The following DAND5 variants were observed in gnomAD, a reference collection of about 807,000 sequenced individuals.
The protein encoded by DAND5 is DAN domain BMP antagonist family member 5.
Under a neutral mutation model 9.2 loss-of-function variants are expected in DAND5, and 8 were observed. The observed-to-expected ratio is 0.87, with a 90% confidence interval of 0.51 to 1.56. DAND5 has a LOEUF of 1.56. Ranked by LOEUF, DAND5 falls within the 40% of genes most tolerant of loss-of-function variation. DAND5 has a pLI of 0.00. For synonymous variants in DAND5, 95 were observed against 101.1 expected, an observed-to-expected ratio of 0.94 and a Z score of 0.36; for missense variants, 244 against 244.7, an observed-to-expected ratio of 1.00 and a Z score of 0.02.
chr19:12,972,535 A>G (rs553479866), intron 1 of DAND5, among the ~76,000 whole-genome samples: 63 of 151,604 alleles, frequency 4.2e-4, no homozygotes, highest in African/African-American at 1.1e-3. Context: ...TTCTCATTTA[A>G]TTAATTTATT....
chr19:12,973,844 C>A lies in DAND5; in HGVS notation c.*210C>A. 5 of 602,430 alleles carry A rather than the reference C, an allele frequency of 8.3e-6. No individual in the cohort carries two copies. The highest frequency in any genetic ancestry group is 1.4e-5 in the Non-Finnish European group (5 of 359,940). The allele number at this position is 602,430 out of a possible 1,614,324, so 37.3% of individuals were successfully genotyped here. The stretch of plus-strand genomic sequence containing the variant: ...AGTTGCACCACTGATAGTCACAGCA[C>A]ACAATGATTGACAACTCACTTTTTT... On this transcript the variant is annotated 3_prime_UTR_variant, in exon 2 of 2. Transcript: ENST00000317060.
intron 1 of DAND5, among the ~76,000 whole-genome samples, chr19:12,972,713 G>C (rs1053301184): frequency 1.3e-5 from 2 of 151,648 alleles, no homozygotes; most frequent in Non-Finnish European, 2.9e-5. Flanking sequence ...GCTAAGTTTT[G>C]TATTTTCAGT....
Position 12,973,548 on chromosome 19 carries a change from T to C in DAND5, c.484T>C (p.Cys162Arg), listed in dbSNP as rs1239016289. 2 of 1,614,060 alleles carry C rather than the reference T, an allele frequency of 1.2e-6. No homozygotes were observed. The highest frequency in any genetic ancestry group is 1.7e-6 in the Non-Finnish European group (2 of 1,180,038). The change falls in exon 2 of 2, where the codon TGT (cysteine) becomes CGT (arginine). Residue 162 changes from cysteine to arginine, a missense_variant. Physicochemically the swap from Cys to Arg is radical, Grantham distance 180. Coordinates refer to ENST00000317060, the MANE Select transcript of DAND5 (RefSeq NM_152654.3). ...GCGTTGGGCACCCGTGGTCCTGTGG[T>C]GTCTCACTGGCAGCTCAGCCTCCCG... ...RKRWAPVVLWCLTGSSASRRR... is the reference protein window; with the variant it reads ...RKRWAPVVLWRLTGSSASRRR...
intron 1 of DAND5, chr19:12,970,564 C>T: frequency 2.0e-6 from 1 of 490,312 alleles, no homozygotes; most frequent in East Asian, 3.4e-5. Flanking sequence ...CTTGATATAC[C>T]AACTTTCTTT....
chr19:12,969,802 C>T lies in DAND5; in HGVS notation c.142C>T (p.Leu48=), dbSNP rs528256480. ...GACCTGGGCTCTGGGCCCAGGGGCC[C>T]TGCCCCCACTGGTGCCAGCTTCTGC... ...NQTWALGPGA[L]PPLVPASALG... The change falls in exon 1 of 2, where the codon CTG becomes TTG. Residue 48 remains leucine, a synonymous_variant. Coordinates refer to ENST00000317060, the MANE Select transcript of DAND5 (RefSeq NM_152654.3). 1.1e-5 allele frequency: 17 copies of T among 1,600,950 alleles called. No individual in the cohort carries two copies. The Admixed American group carries it at 2.9e-4, about 27-fold the overall frequency.
intron 1 of DAND5, among the ~76,000 whole-genome samples, chr19:12,970,972 G>A (rs539044366): frequency 3.3e-5 from 5 of 152,158 alleles, no homozygotes; most frequent in East Asian, 1.9e-4. Flanking sequence ...GAGCCACTGC[G>A]CCAGGCCAAT....
intron 1 of DAND5, among the ~76,000 whole-genome samples, chr19:12,971,022 A>G (rs1472547213): frequency 3.3e-5 from 5 of 152,122 alleles, no homozygotes; most frequent in African/African-American, 1.2e-4. Flanking sequence ...GGATTTAAGC[A>G]GAGAAGGACC....
In DAND5 at chr19:12,973,624, C is replaced by T. The variant is rs1474833857; in HGVS notation, c.560C>T (p.Pro187Leu). ...TMLIEGCHCS[P>L]KA ...CTGATCGAGGGGTGTCACTGCAGCC[C>T]AAAAGCATGAACTGAGCATCGTGGA... Residue 187 changes from proline to leucine, a missense_variant, in exon 2 of 2, where the codon CCA becomes CTA. Physicochemically the swap from Pro to Leu is moderately conservative, Grantham distance 98. Coordinates refer to ENST00000317060, the MANE Select transcript of DAND5 (RefSeq NM_152654.3). 1.9e-6 allele frequency: 3 copies of T among 1,613,774 alleles called. No individual in the cohort carries two copies. The highest frequency in any genetic ancestry group is 2.5e-6 in the Non-Finnish European group (3 of 1,179,872).
In DAND5 at chr19:12,973,674, G is replaced by T; in HGVS notation, c.*40G>T. 1 of 1,592,140 alleles carries T rather than the reference G, an allele frequency of 6.3e-7. No individual in the cohort carries two copies. The highest frequency in any genetic ancestry group is 1.7e-5 in the Admixed American group (1 of 58,924). On this transcript the variant is annotated 3_prime_UTR_variant, in exon 2 of 2. Transcript: ENST00000317060. Reference sequence around the variant, plus strand: ...ATGGGTGCACGGAGACACGCACCTTGGAGAAATGAGGGGAGATGGACCAAG... The same window carrying T: ...ATGGGTGCACGGAGACACGCACCTTTGAGAAATGAGGGGAGATGGACCAAG...
Position 12,973,506 on chromosome 19 carries a change from T to C in DAND5, c.442T>C (p.Cys148Arg). 1 of 1,614,202 alleles carries C rather than the reference T, an allele frequency of 6.2e-7. No individual in the cohort carries two copies. Among genetic ancestry groups the C allele is most frequent in the African/African-American group, 1.3e-5 (1 of 75,054 alleles). ...DPTPLVLCNS[C>R]MPARKRWAPV... ...CACCCCACTAGTCCTGTGCAACAGC[T>C]GTATGCCTGCTCGCAAGCGTTGGGC... The change falls in exon 2 of 2, where the codon TGT becomes CGT. Residue 148 changes from cysteine to arginine, a missense_variant. Transcript: ENST00000317060.
chr19:12,970,480 T>C (rs1325680603), intron 1 of DAND5: 2 of 702,150 alleles, frequency 2.8e-6, no homozygotes, highest in Non-Finnish European at 5.2e-6. Context: ...TTGCCCAAGC[T>C]AGTCTTGAGC....
intron 1 of DAND5, among the ~76,000 whole-genome samples, chr19:12,973,017 C>T (rs1312793647): frequency 2.0e-5 from 3 of 151,718 alleles, no homozygotes; most frequent in Non-Finnish European, 2.9e-5. Context: ...CGCCCACCAC[C>T]ACGCCCGGCT....
rs374830367 is a variant in DAND5, at chr19:12,973,644, C to G, written c.*10C>G. On this transcript the variant is annotated 3_prime_UTR_variant, in exon 2 of 2. Transcript: ENST00000317060. ...CAGCCCAAAAGCATGAACTGAGCATCGTGGATGGGTGCACGGAGACACGCA... is the reference window on the plus strand; with the variant it reads ...CAGCCCAAAAGCATGAACTGAGCATGGTGGATGGGTGCACGGAGACACGCA... The G allele has an allele frequency of 6.2e-7, 1 of 1,612,050 alleles. No homozygotes were observed. The highest frequency in any genetic ancestry group is 1.7e-5 in the Admixed American group (1 of 59,930).
chr19:12,972,737 C>T (rs1223047783), intron 1 of DAND5, among the ~76,000 whole-genome samples: 6 of 151,790 alleles, frequency 4.0e-5, no homozygotes, highest in South Asian at 2.1e-4. Context: ...GATGGGGTTT[C>T]GCCATATTGG....
chr19:12,973,418 AC>A lies in DAND5; in HGVS notation c.355del (p.Arg119AlafsTer24), dbSNP rs749532338. The A allele has an allele frequency of 1.5e-5, 24 of 1,613,808 alleles. No homozygotes were observed. The African/African-American group carries it at 2.8e-4, about 19-fold the overall frequency. ...TCTCCCGGCCCGGCTGCTCAGCCAT[AC>A]GCCTCCGAAATCATCTGTGCTTTGG... ...VFSRPGCSAI[R>X]LRNHLCFGHC... On this transcript the variant is annotated frameshift_variant, in exon 2 of 2. Transcript: ENST00000317060. LOFTEE classifies it low-confidence loss of function (END_TRUNC).
At chr19:12,972,836 T>C (rs1224110430) in intron 1 of DAND5, among the ~76,000 whole-genome samples, 4 of 147,596 alleles carry the variant, frequency 2.7e-5, no homozygotes, top group African/African-American at 1.0e-4. Context: ...CCACCACACC[T>C]GGCTGTCTTT....
In DAND5 at chr19:12,973,549, G is replaced by T. The variant is rs1162159271; in HGVS notation, c.485G>T (p.Cys162Phe). 6.2e-7 allele frequency: 1 copy of T among 1,614,168 alleles called. No individual in the cohort carries two copies. Among genetic ancestry groups the T allele is most frequent in the Non-Finnish European group, 8.5e-7 (1 of 1,180,038 alleles). ...RKRWAPVVLWCLTGSSASRRR... is the reference protein window; with the variant it reads ...RKRWAPVVLWFLTGSSASRRR... ...CGTTGGGCACCCGTGGTCCTGTGGT[G>T]TCTCACTGGCAGCTCAGCCTCCCGT... is the stretch of plus-strand genomic sequence containing the variant. The change falls in exon 2 of 2, where the codon TGT becomes TTT. Residue 162 changes from cysteine to phenylalanine, a missense_variant. By Grantham distance (205) the Cys-to-Phe change is radical. Transcript: ENST00000317060.
chr19:12,969,968 C>T lies in DAND5; in HGVS notation c.308C>T (p.Ala103Val), dbSNP rs1321066406. 1.9e-6 allele frequency: 3 copies of T among 1,613,952 alleles called. No homozygotes were observed. The highest frequency in any genetic ancestry group is 4.5e-5 in the East Asian group (2 of 44,882). ...PQEVIQGMCKAVPFVQVFSRP... is the reference protein window; with the variant it reads ...PQEVIQGMCKVVPFVQVFSRP... ...GAAGTGATCCAGGGGATGTGTAAGGCTGTGCCCTTCGTTCAGGTGAGTGGG... is the reference window on the plus strand; with the variant it reads ...GAAGTGATCCAGGGGATGTGTAAGGTTGTGCCCTTCGTTCAGGTGAGTGGG... Residue 103 changes from alanine (A) to valine (V), a missense_variant, in exon 1 of 2, where the codon GCT (alanine) becomes GTT (valine). Ala to Val is a moderately conservative substitution (Grantham distance 64). Coordinates refer to ENST00000317060, the MANE Select transcript of DAND5 (RefSeq NM_152654.3).
At position 12,973,749 on chromosome 19, in the gene DAND5, A is replaced by G; in HGVS notation, c.*115A>G. The G allele has an allele frequency of 6.7e-7, 1 of 1,486,940 alleles. No homozygotes were observed. The highest frequency in any genetic ancestry group is 9.0e-7 in the Non-Finnish European group (1 of 1,113,706). 92.1% of individuals were successfully genotyped at this position (1,486,940 alleles called of 1,614,324 possible). A position where few individuals can be genotyped will look rare whatever the true frequency, so the allele number is the denominator to read the frequency against. The stretch of plus-strand genomic sequence containing the variant: ...CTCTGGGTCAAGAGACCAGGGATGC[A>G]GGGTTAGGCAGACAGGTCCCCAGAG... On this transcript the variant is annotated 3_prime_UTR_variant, in exon 2 of 2. Transcript: ENST00000317060.
Sources: gnomAD v4.1 joint callset for allele counts (sites outside exome capture counted in the v4.1 genomes callset) on GRCh38, gnomAD v4.1.1 for gene constraint, MANE v1.5 for transcripts, NCBI Gene and HGNC (gene_info 2026-07-23, HGNC 2026-07-21) for gene names.